SIPA1L3: variants seen among roughly 807,000 people sequenced by gnomAD.
SIPA1L3 encodes the protein signal-induced proliferation-associated 1-like protein 3.
In SIPA1L3, 59 loss-of-function variants were observed where a neutral mutation model predicts 150.1. That is an observed-to-expected ratio of 0.39 (90% CI 0.32 to 0.49). The LOEUF (loss-of-function observed/expected upper bound fraction) is 0.49, where lower values mean the gene tolerates loss of function less well. SIPA1L3 is among the 20% of genes least tolerant of loss of function. SIPA1L3 has a pLI of 0.86. For missense variants in SIPA1L3, 2,211 were observed against 2,489.5 expected, an observed-to-expected ratio of 0.89 and a Z score of 2.38; for synonymous variants, 1,070 against 1,077.6, an observed-to-expected ratio of 0.99 and a Z score of 0.14.
intron 1 of SIPA1L3, among the ~76,000 whole-genome samples, chr19:38,026,776 A>C (rs1210289784): frequency 6.6e-6 from 1 of 152,094 alleles, no homozygotes; most frequent in East Asian, 1.9e-4. Context: ...AAAACATTAC[A>C]TCTCTATTTT....
At chr19:38,078,460 ACACACACACAGGCACACAGACATG>A (rs1969899335) in intron 2 of SIPA1L3, among the ~76,000 whole-genome samples, 1 of 150,734 alleles carries the variant, frequency 6.6e-6, no homozygotes, top group Admixed American at 6.6e-5. Context: ...ACACACACAC[ACACACACACAGGCACACAGACATG>A]CACACACACA....
intron 1 of SIPA1L3, among the ~76,000 whole-genome samples, chr19:37,945,315 A>G (rs1027363816): frequency 6.6e-6 from 1 of 151,558 alleles, no homozygotes; most frequent in African/African-American, 2.4e-5. Flanking sequence ...GCTCACTGCA[A>G]CCTCCACCTC....
At chr19:38,140,780 G>A (rs1024548999) in intron 10 of SIPA1L3, among the ~76,000 whole-genome samples, 4 of 152,064 alleles carry the variant, frequency 2.6e-5, no homozygotes, top group African/African-American at 7.2e-5. Flanking sequence ...ATCCCCAGCC[G>A]GGCGCGGTGG....
intron 1 of SIPA1L3, among the ~76,000 whole-genome samples, chr19:37,967,032 C>CA (rs1362289388): frequency 6.6e-6 from 1 of 152,094 alleles, no homozygotes; most frequent in African/African-American, 2.4e-5. Flanking sequence ...TTTATTATCT[C>CA]AGAGTTTAGG....
intron 2 of SIPA1L3, among the ~76,000 whole-genome samples, chr19:38,030,255 G>C (rs572739934): frequency 1.2e-4 from 19 of 152,216 alleles, no homozygotes; most frequent in African/African-American, 4.6e-4. Flanking sequence ...TGAATGTACT[G>C]GTTTCTCTGT....
chr19:38,205,635 C>G (rs1973192977), intron 21 of SIPA1L3, among the ~76,000 whole-genome samples: 1 of 152,144 alleles, frequency 6.6e-6, no homozygotes, highest in African/African-American at 2.4e-5. Context: ...AAACAGGTCC[C>G]TGCCTTTCGG....
In SIPA1L3 at chr19:38,135,734, G is replaced by A. The variant is rs143902691; in HGVS notation, c.3143+4962G>A. 3.0e-3 allele frequency among the ~76,000 whole-genome samples: 456 copies of A among 152,224 alleles called. 1 individual carries two copies. Among genetic ancestry groups the A allele is most frequent in the Non-Finnish European group, 5.6e-3 (382 of 68,006 alleles). On this transcript the variant is annotated intron_variant, in intron 10 of 21. Transcript: ENST00000222345. ...GGCAGCTGCTGAAACAGGATCTCCC[G>A]TTTGCAGGGGTGGGCGTGGGTCAGG... is the stretch of plus-strand genomic sequence containing the variant.
intron 1 of SIPA1L3, among the ~76,000 whole-genome samples, chr19:37,926,289 C>G (rs1221326715): frequency 3.3e-5 from 5 of 152,168 alleles, no homozygotes; most frequent in African/African-American, 9.7e-5. Flanking sequence ...AACCCCTGCC[C>G]TACTTGTGGC....
At chr19:37,986,277 C>G (rs1477324495) in intron 1 of SIPA1L3, among the ~76,000 whole-genome samples, 1 of 152,236 alleles carries the variant, frequency 6.6e-6, no homozygotes, top group Non-Finnish European at 1.5e-5. Context: ...TAGAATGGGA[C>G]AGTAATTCCT....
chr19:37,922,673 G>A (rs1185463921), intron 1 of SIPA1L3, among the ~76,000 whole-genome samples: 7 of 151,642 alleles, frequency 4.6e-5, no homozygotes, highest in Admixed American at 2.6e-4. Context: ...GATTACAGGC[G>A]TGAGCCACTG....
intron 2 of SIPA1L3, among the ~76,000 whole-genome samples, chr19:38,062,615 A>C (rs1421344723): frequency 7.7e-6 from 1 of 130,030 alleles, no homozygotes; most frequent in African/African-American, 3.4e-5. Context: ...TTTTATTATT[A>C]TTATTATTTT....
intron 2 of SIPA1L3, among the ~76,000 whole-genome samples, chr19:38,080,418 C>A (rs1364096265): frequency 1.3e-5 from 2 of 152,048 alleles, no homozygotes; most frequent in Non-Finnish European, 2.9e-5. Flanking sequence ...AAGTAAAGAG[C>A]ATCAAAATAA....
At chr19:37,959,211 A>G (rs978224760) in intron 1 of SIPA1L3, among the ~76,000 whole-genome samples, 1 of 152,248 alleles carries the variant, frequency 6.6e-6, no homozygotes, top group Non-Finnish European at 1.5e-5. Flanking sequence ...TGTTCACATA[A>G]TTACTTGTGC....
rs564813341 is a variant in SIPA1L3, at chr19:37,971,634, C to T, written c.-378-57455C>T. On this transcript the variant is annotated intron_variant, in intron 1 of 21. Transcript: ENST00000222345. ...AGGCTGGAGTACAGTGGCGCGATCT[C>T]GGCTCACTGCTACTTCGCTTCCCAG... Among the ~76,000 whole-genome samples the T allele has an allele frequency of 1.1e-3, 161 of 151,984 alleles. 2 individuals are homozygous for T. The highest frequency in any genetic ancestry group is 3.1e-3 in the African/African-American group (130 of 41,440).
rs183380755 is a variant in SIPA1L3 at position 38,009,504 on chromosome 19, G to T, written c.-378-19585G>T. ...TGTTGTTTATTTCTTCAGTATTTCC[G>T]TTGTAATAACATCTTTGCCAGTGTG... On this transcript the variant is annotated intron_variant, in intron 1 of 21. Coordinates refer to ENST00000222345, the MANE Select transcript of SIPA1L3 (RefSeq NM_015073.3). Among the ~76,000 whole-genome samples, 19 of 152,118 alleles carry T rather than the reference G, an allele frequency of 1.2e-4. No homozygotes were observed. In the East Asian group the frequency reaches 3.3e-3, roughly 26 times the overall value.
intron 15 of SIPA1L3, 116 bp downstream of exon 15, chr19:38,165,022 T>G: frequency 1.0e-6 from 1 of 985,456 alleles, no homozygotes; most frequent in Non-Finnish European, 1.4e-6. Context: ...TGAATGCGCC[T>G]AGTCATTGGT....
rs143699826 is a variant in SIPA1L3, at chr19:38,047,052, C to G, written c.-311+17896C>G. 6.6e-6 allele frequency among the ~76,000 whole-genome samples: 1 copy of G among 152,296 alleles called. No individual in the cohort carries two copies. Among genetic ancestry groups the G allele is most frequent in the East Asian group, 1.9e-4 (1 of 5,176 alleles). On this transcript the variant is annotated intron_variant, in intron 2 of 21. Coordinates refer to ENST00000222345, the MANE Select transcript of SIPA1L3 (RefSeq NM_015073.3). This position sits in a 1 kb window ranked among gnomAD's most constrained non-coding sequence, Gnocchi z 4.7. ...TTGACCCACTTAGTCCTCCCAAAAA[C>G]CCTGTGAGGCAGGCACTATCCAGTT...
At chr19:38,069,230 C>G (rs569356573) in intron 2 of SIPA1L3, among the ~76,000 whole-genome samples, 3 of 152,186 alleles carry the variant, frequency 2.0e-5, no homozygotes, top group Non-Finnish European at 4.4e-5. Flanking sequence ...GTGGGACAGA[C>G]AGCATGGGGG....
At chr19:38,136,859 C>G (rs190303745) in intron 10 of SIPA1L3, among the ~76,000 whole-genome samples, 7 of 152,136 alleles carry the variant, frequency 4.6e-5, no homozygotes. Context: ...TTCCAGAGCC[C>G]CAAGGTGGTT....
Sources: allele counts gnomAD v4.1 joint callset (sites outside exome capture counted in the v4.1 genomes callset), GRCh38; gene constraint gnomAD v4.1.1; non-coding constraint Gnocchi (gnomAD v3.1); transcripts MANE v1.5; gene names NCBI Gene and HGNC (gene_info 2026-07-23, HGNC 2026-07-21).